Variants in DOK6 observed in about 807,000 individuals in gnomAD.
DOK6 encodes the protein docking protein 6.
Under a neutral mutation model 44.0 loss-of-function variants are expected in DOK6, and 22 were observed. That is an observed-to-expected ratio of 0.50 (90% CI 0.36 to 0.71). The LOEUF (loss-of-function observed/expected upper bound fraction) is 0.71, where lower values mean the gene tolerates loss of function less well. DOK6 is among the 30% of genes least tolerant of loss of function. The probability of loss-of-function intolerance (pLI) is 0.00; values close to 1 mark genes in which losing one functional copy is unlikely to be tolerated. For missense variants in DOK6, 340 were observed against 416.4 expected (o/e 0.82, Z 1.60); for synonymous variants, 166 against 145.5 (o/e 1.14, Z -1.01).
rs1978616055 is a variant in DOK6, at chr18:69,425,622, TA to T, written c.66+24313del. ...ATTAAAGCAATCATTTTTTAATTTT[TA>T]GAAAATAATTTAAAATAAAAATACA... On this transcript the variant is annotated intron_variant, in intron 1 of 7. Coordinates refer to ENST00000382713, the MANE Select transcript of DOK6 (RefSeq NM_152721.6). Among the ~76,000 whole-genome samples the T allele has an allele frequency of 6.6e-5, 10 of 152,232 alleles. 1 individual carries two copies. In the South Asian group the frequency reaches 2.1e-3, roughly 32 times the overall value.
rs202071530 is a variant in DOK6, at chr18:69,747,967, ATC to A, written c.738+8865_738+8866del. Among the ~76,000 whole-genome samples, 798 of 152,278 alleles carry A rather than the reference ATC, an allele frequency of 5.2e-3. 4 individuals carry two copies. The highest frequency in any genetic ancestry group is 0.017 in the African/African-American group (708 of 41,550). On this transcript the variant is annotated intron_variant, in intron 6 of 7. Coordinates refer to ENST00000382713, the MANE Select transcript of DOK6 (RefSeq NM_152721.6). ...ACCATATGTTATACTGGTCAAAACA[ATC>A]ACCAAGAAGCCCAGATTAAAGGGAG...
intron 2 of DOK6, among the ~76,000 whole-genome samples, chr18:69,566,558 A>G (rs557178284): frequency 1.3e-5 from 2 of 152,214 alleles, no homozygotes; most frequent in Non-Finnish European, 2.9e-5. Flanking sequence ...TAACCCCACT[A>G]TAAGGATTGG....
chr18:69,810,518 G>A (rs1354485653), intron 7 of DOK6, among the ~76,000 whole-genome samples: 1 of 151,984 alleles, frequency 6.6e-6, no homozygotes, highest in African/African-American at 2.4e-5. Context: ...ACAATCAACA[G>A]TGTGGAGAGA....
chr18:69,823,402 A>C (rs1220490417), intron 7 of DOK6, among the ~76,000 whole-genome samples: 1 of 152,104 alleles, frequency 6.6e-6, no homozygotes, highest in Non-Finnish European at 1.5e-5. Flanking sequence ...AATGGTAATT[A>C]GCATGGTAGG....
At chr18:69,730,231 G>A (rs1347354605) in intron 5 of DOK6, among the ~76,000 whole-genome samples, 1 of 152,232 alleles carries the variant, frequency 6.6e-6, no homozygotes, top group Non-Finnish European at 1.5e-5. Context: ...CCCTTTCATG[G>A]ACTGAGTTGC....
intron 6 of DOK6, among the ~76,000 whole-genome samples, chr18:69,746,648 C>T (rs961305842): frequency 6.6e-6 from 1 of 152,218 alleles, no homozygotes; most frequent in African/African-American, 2.4e-5. Context: ...TAGCAACTTT[C>T]ATTCAATGAC....
In DOK6 at chr18:69,646,427, G is replaced by GA. The variant is rs961719621; in HGVS notation, c.290-31300dup. Among the ~76,000 whole-genome samples, 5 of 152,120 alleles carry GA rather than the reference G, an allele frequency of 3.3e-5. No individual in the cohort carries two copies. In the South Asian group the frequency reaches 6.2e-4, roughly 19 times the overall value. ...GCCTCTGATTTCTGGTTATTTTAGGGAAAAAAATTACCAGTTATTATGTAT... is the reference window on the plus strand; with the variant it reads ...GCCTCTGATTTCTGGTTATTTTAGGGAAAAAAAATTACCAGTTATTATGTAT... On this transcript the variant is annotated intron_variant, in intron 3 of 7. Coordinates refer to ENST00000382713, the MANE Select transcript of DOK6 (RefSeq NM_152721.6).
chr18:69,796,122 A>G (rs1980737870), intron 7 of DOK6, among the ~76,000 whole-genome samples: 1 of 152,192 alleles, frequency 6.6e-6, no homozygotes, highest in Non-Finnish European at 1.5e-5. Flanking sequence ...TTAGGCAGAG[A>G]CGGATCTCAG....
At chr18:69,782,238 G>A (rs1338075905) in intron 7 of DOK6, among the ~76,000 whole-genome samples, 3 of 130,608 alleles carry the variant, frequency 2.3e-5, no homozygotes, top group African/African-American at 8.7e-5. Context: ...TTGAGATGGT[G>A]TCTCGCTCTG....
At chr18:69,782,541 TC>T (rs1287204856) in intron 7 of DOK6, among the ~76,000 whole-genome samples, 5 of 151,164 alleles carry the variant, frequency 3.3e-5, no homozygotes, top group Non-Finnish European at 5.9e-5. Flanking sequence ...GCTTCATGCA[TC>T]TTCCTGAAGA....
At chr18:69,547,760 G>A (rs978989076) in intron 1 of DOK6, among the ~76,000 whole-genome samples, 2 of 150,662 alleles carry the variant, frequency 1.3e-5, no homozygotes, top group African/African-American at 4.9e-5. Context: ...CTCTCCATGA[G>A]ATCCACTTTT....
intron 5 of DOK6, among the ~76,000 whole-genome samples, chr18:69,731,097 T>TA (rs144415274): frequency 0.12 from 17,643 of 151,752 alleles, 1,043 homozygotes; most frequent in Middle Eastern, 0.16. Flanking sequence ...TAATCCCAAC[T>TA]AAAAAAAATG....
At chr18:69,706,932 C>G (rs981628195) in intron 5 of DOK6, among the ~76,000 whole-genome samples, 1 of 151,902 alleles carries the variant, frequency 6.6e-6, no homozygotes, top group East Asian at 1.9e-4. Flanking sequence ...TCCAGTCTAT[C>G]ATTGTTGGAC....
chr18:69,407,716 TAAAG>T (rs1044420905), intron 1 of DOK6, among the ~76,000 whole-genome samples: 1 of 152,216 alleles, frequency 6.6e-6, no homozygotes, highest in Non-Finnish European at 1.5e-5. Flanking sequence ...CAGAAATTAA[TAAAG>T]AAAACTATTG....
At chr18:69,722,205 A>T (rs1033778657) in intron 5 of DOK6, among the ~76,000 whole-genome samples, 1 of 152,244 alleles carries the variant, frequency 6.6e-6, no homozygotes, top group African/African-American at 2.4e-5. Flanking sequence ...GAGGAAAAGG[A>T]TGCTAATACT....
intron 1 of DOK6, among the ~76,000 whole-genome samples, chr18:69,560,452 G>C (rs1008043884): frequency 6.6e-6 from 1 of 151,856 alleles, no homozygotes; most frequent in Admixed American, 6.6e-5. Flanking sequence ...AATATAAATA[G>C]TTATATTGCT....
At chr18:69,615,704 A>G (rs904138846) in intron 3 of DOK6, among the ~76,000 whole-genome samples, 1 of 152,210 alleles carries the variant, frequency 6.6e-6, no homozygotes, top group Admixed American at 6.5e-5. Context: ...AGTTTACATT[A>G]TTTTGGTGAA....
At chr18:69,564,401 T>C in intron 1 of DOK6, 86 bp from the exon 2 acceptor site, 1 of 1,152,082 alleles carries the variant, frequency 8.7e-7, no homozygotes, top group Non-Finnish European at 1.3e-6. Flanking sequence ...TGAAGTACAC[T>C]TAAAAAATTG....
chr18:69,694,261 T>C (rs965874566), intron 4 of DOK6, among the ~76,000 whole-genome samples: 6 of 151,460 alleles, frequency 4.0e-5, no homozygotes, highest in African/African-American at 1.5e-4. Flanking sequence ...TAAGCCTTGT[T>C]TTGTAGCCCT....
Sources: gnomAD v4.1 joint callset for allele counts (sites outside exome capture counted in the v4.1 genomes callset) on GRCh38, gnomAD v4.1.1 for gene constraint, MANE v1.5 for transcripts, NCBI Gene and HGNC (gene_info 2026-07-23, HGNC 2026-07-21) for gene names.